The following MAN1C1 variants were observed in gnomAD, a reference collection of about 807,000 sequenced individuals.
MAN1C1 encodes the protein mannosyl-oligosaccharide 1,2-alpha-mannosidase IC.
Under a neutral mutation model 71.5 loss-of-function variants are expected in MAN1C1, and 49 were observed. The ratio of observed to expected loss-of-function variants is 0.69; its 90% CI spans 0.54 to 0.87. The LOEUF (loss-of-function observed/expected upper bound fraction) is 0.87, where lower values mean the gene tolerates loss of function less well. MAN1C1 is among the 40% of genes least tolerant of loss of function. The pLI, the probability that MAN1C1 is intolerant of heterozygous loss-of-function variation, is 0.00. For synonymous variants in MAN1C1, 352 were observed against 343.7 expected (o/e 1.02, Z -0.27); for missense variants, 743 against 835.0 (o/e 0.89, Z 1.36).
intron 1 of MAN1C1, among the ~76,000 whole-genome samples, chr1:25,651,878 C>T (rs1235707645): frequency 6.6e-6 from 1 of 152,188 alleles, no homozygotes; most frequent in African/African-American, 2.4e-5. Flanking sequence ...AGTCCTGTTC[C>T]ATGTAGGGTG....
chr1:25,692,758 G>A (rs2046324668), intron 2 of MAN1C1, among the ~76,000 whole-genome samples: 1 of 152,324 alleles, frequency 6.6e-6, no homozygotes, highest in African/African-American at 2.4e-5. Context: ...GGGTTGGTGT[G>A]TGCCACGTCC....
intron 2 of MAN1C1, among the ~76,000 whole-genome samples, chr1:25,691,282 C>T (rs1344804845): frequency 1.3e-5 from 2 of 152,078 alleles, no homozygotes; most frequent in Non-Finnish European, 2.9e-5. Flanking sequence ...GCGCCACTGC[C>T]CTCCAGCCTG....
intron 5 of MAN1C1, 34 bp from the exon 6 acceptor site, chr1:25,758,557 AG>A (rs11321223): frequency 0.82 from 1,311,657 of 1,601,964 alleles, 539,623 homozygotes; most frequent in East Asian, 0.98. Context: ...GCCTGGCCAA[AG>A]GGGGGATGAC....
intron 1 of MAN1C1, chr1:25,646,049 C>G (rs1173549549): frequency 6.6e-6 from 1 of 152,306 alleles, no homozygotes; most frequent in Non-Finnish European, 1.5e-5. Flanking sequence ...GGGGCCGGTG[C>G]ATGTCTATTC....
chr1:25,692,536 GCCTCACAGC>G, intron 2 of MAN1C1, among the ~76,000 whole-genome samples: 1 of 152,246 alleles, frequency 6.6e-6, no homozygotes, highest in Admixed American at 6.5e-5. Flanking sequence ...CCCTTTGTCT[GCCTCACAGC>G]CCTTATAAAA....
At chr1:25,773,200 G>A (rs1266467695) in intron 8 of MAN1C1, among the ~76,000 whole-genome samples, 2 of 152,086 alleles carry the variant, frequency 1.3e-5, no homozygotes, top group Admixed American at 1.3e-4. Flanking sequence ...ATGAATGCAT[G>A]GGTGCATGAA....
At chr1:25,723,372 G>A (rs2046791928) in intron 2 of MAN1C1, among the ~76,000 whole-genome samples, 1 of 152,214 alleles carries the variant, frequency 6.6e-6, no homozygotes, top group African/African-American at 2.4e-5. Context: ...TTCACTTCCA[G>A]AGATACCTGG....
At chr1:25,661,195 C>T (rs771275712) in intron 1 of MAN1C1, among the ~76,000 whole-genome samples, 1 of 152,216 alleles carries the variant, frequency 6.6e-6, no homozygotes, top group African/African-American at 2.4e-5. Flanking sequence ...CTGCTGGATG[C>T]AGCTGTGCTG....
chr1:25,769,780 C>A lies in MAN1C1; in HGVS notation c.1142-1877C>A, dbSNP rs1472254890. The stretch of plus-strand genomic sequence containing the variant: ...CCCACGAGCTAGTGAGGGAGGCAGA[C>A]CCGTACGCAGGCACTCATCGCACAC... On this transcript the variant is annotated intron_variant, in intron 7 of 11. Transcript: ENST00000374332. This position sits in a 1 kb window ranked among gnomAD's most constrained non-coding sequence, Gnocchi z 4.8. 6.6e-6 allele frequency among the ~76,000 whole-genome samples: 1 copy of A among 152,208 alleles called. No homozygotes were observed. The highest frequency in any genetic ancestry group is 1.5e-5 in the Non-Finnish European group (1 of 68,024).
chr1:25,767,765 T>C (rs2047461553), intron 7 of MAN1C1, among the ~76,000 whole-genome samples: 2 of 26,342 alleles, frequency 7.6e-5, no homozygotes, highest in Admixed American at 4.3e-4. Context: ...TCCCCTCACA[T>C]AATCCACACT....
chr1:25,781,245 G>A (rs2047690816), intron 10 of MAN1C1, 133 bp downstream of exon 10: 2 of 948,350 alleles, frequency 2.1e-6, no homozygotes, highest in Admixed American at 2.5e-5. Context: ...AGTTCAGAGT[G>A]CAAAGGGTCA....
At chr1:25,700,115 A>G (rs759576671) in intron 2 of MAN1C1, among the ~76,000 whole-genome samples, 22 of 152,230 alleles carry the variant, frequency 1.4e-4, no homozygotes, top group Non-Finnish European at 2.9e-4. Context: ...TTGGAAATCC[A>G]CTGCCCTTGT....
At chr1:25,682,793 T>G (rs1235198318) in intron 1 of MAN1C1, among the ~76,000 whole-genome samples, 1 of 152,110 alleles carries the variant, frequency 6.6e-6, no homozygotes, top group African/African-American at 2.4e-5. Context: ...ATCCCAGCAC[T>G]TTGGGAGGCC....
At position 25,783,750 on chromosome 1, in the gene MAN1C1, C is replaced by T; in HGVS notation, c.1854C>T (p.Asn618=). Residue 618 remains asparagine (N), a synonymous_variant, in exon 12 of 12, where the codon AAC becomes AAT. Coordinates refer to ENST00000374332, the MANE Select transcript of MAN1C1 (RefSeq NM_020379.4). ...FNTEAHPLPV[N]HSDSSGRAWG... ...CCGAGGCCCACCCACTCCCGGTGAA[C>T]CACTCAGACAGCTCCGGCAGAGCCT... 1 of 1,612,994 alleles carries T rather than the reference C, an allele frequency of 6.2e-7. No individual in the cohort carries two copies. Among genetic ancestry groups the T allele is most frequent in the Non-Finnish European group, 8.5e-7 (1 of 1,180,020 alleles).
chr1:25,727,234 C>T (rs1041459196), intron 2 of MAN1C1, among the ~76,000 whole-genome samples: 1 of 152,184 alleles, frequency 6.6e-6, no homozygotes, highest in Non-Finnish European at 1.5e-5. Context: ...TTTAACAACA[C>T]TGCTCAGGGT....
rs895868414 is a variant in MAN1C1 at position 25,779,046 on chromosome 1, C to T, written c.1477+722C>T. 3.0e-4 allele frequency among the ~76,000 whole-genome samples: 46 copies of T among 152,270 alleles called. 1 individual carries two copies. The highest frequency in any genetic ancestry group is 3.4e-3 in the Middle Eastern group (1 of 294). ...GGCCTTCTGATGCCTGGTTCCACCC[C>T]GTGCGCAAACTGCACCCCTCAGAAA... On this transcript the variant is annotated intron_variant, in intron 9 of 11. Coordinates refer to ENST00000374332, the MANE Select transcript of MAN1C1 (RefSeq NM_020379.4). The surrounding 1 kb of genome is among the most constrained non-coding windows in gnomAD (Gnocchi z 4.6).
At chr1:25,666,622 C>G (rs977694632) in intron 1 of MAN1C1, among the ~76,000 whole-genome samples, 1 of 152,192 alleles carries the variant, frequency 6.6e-6, no homozygotes, top group African/African-American at 2.4e-5. Context: ...CCCACTCCCC[C>G]CACCACTGGC....
At position 25,677,087 on chromosome 1, in the gene MAN1C1, G is replaced by A. The variant is rs187072757; in HGVS notation, c.541-9353G>A. 5.6e-4 allele frequency among the ~76,000 whole-genome samples: 85 copies of A among 152,290 alleles called. 2 individuals are homozygous for A. In the East Asian group the frequency reaches 9.6e-3, roughly 17 times the overall value. The stretch of plus-strand genomic sequence containing the variant: ...TCTTGAGCTCTGAGACAGGTAGAAA[G>A]AAAATCTTAAACCAAATAATAATGT... On this transcript the variant is annotated intron_variant, in intron 1 of 11. Transcript: ENST00000374332.
chr1:25,617,096 G>T lies in MAN1C1; in HGVS notation c.-702G>T, dbSNP rs2045109505. On this transcript the variant is annotated 5_prime_UTR_variant, in exon 1 of 12. Coordinates refer to ENST00000374332, the MANE Select transcript of MAN1C1 (RefSeq NM_020379.4). This position sits in a 1 kb window ranked among gnomAD's most constrained non-coding sequence, Gnocchi z 5.1. ...ACCCAGGCATCCCTGCGCTGTCTGG[G>T]GCCCGGGGGAAGCCCCCTGCCCCCG... Among the ~76,000 whole-genome samples the T allele has an allele frequency of 6.6e-6, 1 of 151,976 alleles. No homozygotes were observed. Among genetic ancestry groups the T allele is most frequent in the Non-Finnish European group, 1.5e-5 (1 of 67,956 alleles).
Sources: allele counts gnomAD v4.1 joint callset (sites outside exome capture counted in the v4.1 genomes callset), GRCh38; gene constraint gnomAD v4.1.1; non-coding constraint Gnocchi (gnomAD v3.1); transcripts MANE v1.5; gene names NCBI Gene and HGNC (gene_info 2026-07-23, HGNC 2026-07-21).